Variants in FAAH2 observed in about 807,000 individuals in gnomAD.
The protein encoded by FAAH2 is fatty acid amide hydrolase 2, also known as fatty-acid amide hydrolase 2.
In FAAH2, 60 loss-of-function variants were observed where a neutral mutation model predicts 36.9. The ratio of observed to expected loss-of-function variants is 1.63; its 90% CI spans 1.32 to 2.02. FAAH2 has a LOEUF of 2.02. FAAH2 is among the 30% of genes most tolerant of loss of function. FAAH2 has a pLI of 0.00. For synonymous variants in FAAH2, 214 were observed against 143.8 expected (o/e 1.49, Z -3.49); for missense variants, 689 against 397.5 (o/e 1.73, Z -6.23).
At chrX:57,393,052 C>T in intron 7 of FAAH2, 1 of 905,926 alleles carries the variant, frequency 1.1e-6, no homozygotes, top group Admixed American at 2.2e-5. Flanking sequence ...ACAGCCTGAG[C>T]CAGGGCTAAG....
At chrX:57,458,807 CA>C (rs2056908020) in intron 10 of FAAH2, among the ~76,000 whole-genome samples, 2 of 112,323 alleles carry the variant, frequency 1.8e-5, no homozygotes, top group Admixed American at 1.9e-4. Flanking sequence ...GCTTTCCCCA[CA>C]GGTTTGCAAT....
intron 5 of FAAH2, among the ~76,000 whole-genome samples, chrX:57,353,382 T>C (rs2054075910): frequency 9.3e-6 from 1 of 107,035 alleles, no homozygotes; most frequent in African/African-American, 3.4e-5. Flanking sequence ...GCTGGGAAAA[T>C]TGGATAGTCA....
At chrX:57,278,758 G>GA in the FAAH2 span, among the ~76,000 whole-genome samples, 11 of 110,797 alleles carry the variant, frequency 9.9e-5, no homozygotes, top group Admixed American at 6.7e-4. Flanking sequence ...AAATTTACAA[G>GA]AAAAAAACAA....
At chrX:57,488,674 A>C in intron 10 of FAAH2, 83 bp from the exon 11 acceptor site, 1 of 932,493 alleles carries the variant, frequency 1.1e-6, no homozygotes, top group African/African-American at 2.0e-5. Flanking sequence ...ATTTTCACCT[A>C]TTTATTATTG....
intron 9 of FAAH2, 87 bp downstream of exon 9, chrX:57,447,126 A>T: frequency 6.4e-6 from 4 of 627,236 alleles, no homozygotes; most frequent in Non-Finnish European, 9.4e-6. Flanking sequence ...TAAAGGCCCC[A>T]TGCAAGTCCA....
At chrX:57,215,949 C>G in the FAAH2 span, among the ~76,000 whole-genome samples, 1 of 103,263 alleles carries the variant, frequency 9.7e-6, no homozygotes, top group African/African-American at 3.5e-5. Flanking sequence ...GCACGTTCTG[C>G]TCATGTATCC....
At chrX:57,453,802 G>A (rs959753591) in intron 10 of FAAH2, among the ~76,000 whole-genome samples, 2 of 112,116 alleles carry the variant, frequency 1.8e-5, no homozygotes, top group Non-Finnish European at 3.8e-5. Flanking sequence ...TCAGGACTTG[G>A]TGGTGGCCAA....
chrX:57,322,660 A>C (rs756611604), intron 3 of FAAH2, among the ~76,000 whole-genome samples: 178 of 110,317 alleles, frequency 1.6e-3, no homozygotes, highest in Middle Eastern at 4.7e-3. Context: ...CGGTCTCTTT[A>C]TGTTATTCCA....
intron 3 of FAAH2, among the ~76,000 whole-genome samples, chrX:57,330,307 G>A (rs556443385): frequency 9.0e-6 from 1 of 111,355 alleles, no homozygotes; most frequent in East Asian, 2.8e-4. Flanking sequence ...GTTGGGTGTG[G>A]CCGTCTTCTG....
At chrX:57,194,957 ATG>A in the FAAH2 span, among the ~76,000 whole-genome samples, 7 of 108,630 alleles carry the variant, frequency 6.4e-5, no homozygotes, top group East Asian at 2.9e-4. Context: ...GTGTGTGTGT[ATG>A]TGTGTGTGTG....
At chrX:57,166,569 A>G in the FAAH2 span, among the ~76,000 whole-genome samples, 1 of 112,348 alleles carries the variant, frequency 8.9e-6, no homozygotes, top group African/African-American at 3.2e-5. Context: ...CCCTGTTTCA[A>G]TGGTATTATG....
At chrX:57,478,200 A>G (rs2057307708) in intron 10 of FAAH2, among the ~76,000 whole-genome samples, 1 of 111,755 alleles carries the variant, frequency 8.9e-6, no homozygotes, top group African/African-American at 3.3e-5. Flanking sequence ...ATGAGATGGT[A>G]TCTCATTGTG....
chrX:57,340,811 A>T (rs1386787733), intron 4 of FAAH2, among the ~76,000 whole-genome samples: 1 of 111,118 alleles, frequency 9.0e-6, no homozygotes, highest in Non-Finnish European at 1.9e-5. Context: ...TGTTGGGAGA[A>T]AGGAGAGCAT....
chrX:57,411,224 G>C (rs1317127891), intron 7 of FAAH2, among the ~76,000 whole-genome samples: 1 of 111,831 alleles, frequency 8.9e-6, no homozygotes, highest in African/African-American at 3.3e-5. Context: ...GCTGCAAAGC[G>C]AGACCTGGTG....
At chrX:57,396,679 C>T (rs1214544099) in intron 7 of FAAH2, among the ~76,000 whole-genome samples, 4 of 111,723 alleles carry the variant, frequency 3.6e-5, no homozygotes, top group Non-Finnish European at 5.6e-5. Context: ...ACATTTATCC[C>T]ACTGTGGTCC....
At chrX:57,168,781 C>A in the FAAH2 span, among the ~76,000 whole-genome samples, 1 of 111,544 alleles carries the variant, frequency 9.0e-6, no homozygotes, top group African/African-American at 3.3e-5. Flanking sequence ...CTTCTCTACC[C>A]CCTTATGTGT....
chrX:57,342,546 C>T (rs992591817), intron 5 of FAAH2, among the ~76,000 whole-genome samples: 1 of 111,698 alleles, frequency 9.0e-6, no homozygotes, highest in Non-Finnish European at 1.9e-5. Context: ...AATCCTAGCT[C>T]TTCATGACTT....
chrX:57,407,674 G>A (rs1000780089), intron 7 of FAAH2, among the ~76,000 whole-genome samples: 1 of 111,577 alleles, frequency 9.0e-6, no homozygotes, highest in Non-Finnish European at 1.9e-5. Context: ...CTGGCATTTG[G>A]CATCTCTAGT....
At chrX:57,251,020 T>G in the FAAH2 span, among the ~76,000 whole-genome samples, 3 of 111,742 alleles carry the variant, frequency 2.7e-5, no homozygotes, top group Admixed American at 1.9e-4. Flanking sequence ...AGGCCAGTAT[T>G]AGTCCAAAGC....
Sources: allele counts gnomAD v4.1 joint callset (sites outside exome capture counted in the v4.1 genomes callset), GRCh38; gene constraint gnomAD v4.1.1; transcripts MANE v1.5; gene names NCBI Gene and HGNC (gene_info 2026-07-23, HGNC 2026-07-21).